The following KDM6A variants were observed in gnomAD, a reference collection of about 807,000 sequenced individuals.
KDM6A encodes lysine-specific demethylase 6A.
In KDM6A, 11 loss-of-function variants were observed where a neutral mutation model predicts 117.6. The observed-to-expected ratio is 0.09, with a 90% CI of 0.06 to 0.15. KDM6A has a LOEUF of 0.15. KDM6A is among the 10% of genes least tolerant of loss of function. The pLI is 1.00. For synonymous variants in KDM6A, 384 were observed against 396.1 expected, an observed-to-expected ratio of 0.97 and a Z score of 0.36; for missense variants, 799 against 1,077.3, an observed-to-expected ratio of 0.74 and a Z score of 3.62.
At chrX:45,010,880 G>T in intron 4 of KDM6A, 81 bp from the exon 5 acceptor site, 1 of 717,126 alleles carries the variant, frequency 1.4e-6, no homozygotes, top group East Asian at 3.3e-5. Flanking sequence ...AAACATCTTG[G>T]ATACCGTATT....
chrX:45,024,834 C>G (rs1030159502), intron 6 of KDM6A, among the ~76,000 whole-genome samples: 1 of 111,087 alleles, frequency 9.0e-6, no homozygotes, highest in African/African-American at 3.3e-5. Flanking sequence ...AATTGGGGGC[C>G]AGCATAGATA....
intron 6 of KDM6A, 25 bp downstream of exon 6, chrX:45,020,755 T>C: frequency 8.3e-7 from 1 of 1,202,611 alleles, no homozygotes; most frequent in South Asian, 1.8e-5. Flanking sequence ...TTTTTCAAGA[T>C]ACAATGTTTA....
chrX:44,952,333 G>A (rs918144926), intron 2 of KDM6A, among the ~76,000 whole-genome samples: 14 of 103,385 alleles, frequency 1.4e-4, no homozygotes, highest in African/African-American at 4.8e-4. Flanking sequence ...ATGCAGTGGC[G>A]CGATCTCGGC....
chrX:45,001,647 G>A (rs947557665), intron 4 of KDM6A, among the ~76,000 whole-genome samples: 1 of 111,945 alleles, frequency 8.9e-6, no homozygotes, highest in African/African-American at 3.3e-5. Context: ...ACTTGGTTAT[G>A]TTATAACTAG....
chrX:44,887,978 CAGTG>C (rs769929094), intron 2 of KDM6A, among the ~76,000 whole-genome samples: 5 of 109,182 alleles, frequency 4.6e-5, no homozygotes, highest in Non-Finnish European at 9.5e-5. Context: ...CTGGGCAACA[CAGTG>C]AGACTCCGTC....
intron 7 of KDM6A, 76 bp downstream of exon 7, chrX:45,035,061 T>C (rs1301728234): frequency 1.2e-6 from 1 of 852,929 alleles, no homozygotes; most frequent in African/African-American, 2.0e-5. Context: ...ATGTTAGTGA[T>C]AAATTCTGTG....
chrX:45,045,167 A>G (rs1036400190), intron 8 of KDM6A, among the ~76,000 whole-genome samples: 1 of 111,741 alleles, frequency 8.9e-6, no homozygotes. Context: ...ACCATTCATC[A>G]CTAAAACTAT....
chrX:44,881,680 A>G (rs1003623511), intron 2 of KDM6A, among the ~76,000 whole-genome samples: 5 of 105,207 alleles, frequency 4.8e-5, no homozygotes, highest in African/African-American at 1.7e-4. Flanking sequence ...TCTCTGTGGT[A>G]CTATTTTGTC....
At chrX:44,924,944 C>A (rs778777815) in intron 2 of KDM6A, among the ~76,000 whole-genome samples, 4 of 111,382 alleles carry the variant, frequency 3.6e-5, no homozygotes, top group African/African-American at 1.3e-4. Context: ...CTGCCTTGGC[C>A]TCCCAAAGTG....
chrX:44,979,737 G>A (rs925467032), intron 4 of KDM6A, among the ~76,000 whole-genome samples: 6 of 110,365 alleles, frequency 5.4e-5, no homozygotes, highest in Admixed American at 4.9e-4. Flanking sequence ...ATGTGAGATA[G>A]CATCAGTGGT....
intron 27 of KDM6A, among the ~76,000 whole-genome samples, chrX:45,102,661 A>G (rs1345622932): frequency 8.9e-6 from 1 of 111,924 alleles, no homozygotes; most frequent in African/African-American, 3.3e-5. Context: ...GGTTTGATAT[A>G]TAATGCTTTT....
intron 2 of KDM6A, among the ~76,000 whole-genome samples, chrX:44,927,469 T>TG (rs2146937101): frequency 9.0e-6 from 1 of 110,847 alleles, no homozygotes; most frequent in Non-Finnish European, 1.9e-5. Flanking sequence ...CTTGGTAATC[T>TG]GGGGAATGGA....
intron 2 of KDM6A, among the ~76,000 whole-genome samples, chrX:44,879,687 A>T (rs943960264): frequency 8.9e-6 from 1 of 112,077 alleles, no homozygotes; most frequent in Non-Finnish European, 1.9e-5. Context: ...CTAACACAGG[A>T]CCATCTTTGG....
At chrX:44,931,321 C>T (rs944107935) in intron 2 of KDM6A, among the ~76,000 whole-genome samples, 9 of 111,312 alleles carry the variant, frequency 8.1e-5, no homozygotes, top group South Asian at 3.8e-4. Flanking sequence ...CTGCCTGCCT[C>T]GGCCTCCCAA....
intron 19 of KDM6A, 43 bp downstream of exon 19, chrX:45,076,869 A>G: frequency 9.0e-7 from 1 of 1,108,640 alleles, no homozygotes; most frequent in South Asian, 1.8e-5. Flanking sequence ...AGTGTTTGCA[A>G]CTACCTGTCT....
chrX:44,935,446 A>AT (rs777637098), intron 2 of KDM6A, among the ~76,000 whole-genome samples: 4 of 111,507 alleles, frequency 3.6e-5, no homozygotes, highest in African/African-American at 1.3e-4. Flanking sequence ...GTGAATTGTG[A>AT]TTCATAAAGT....
chrX:44,923,889 A>AT (rs1262738829), intron 2 of KDM6A, among the ~76,000 whole-genome samples: 1 of 110,632 alleles, frequency 9.0e-6, no homozygotes, highest in Non-Finnish European at 1.9e-5. Flanking sequence ...CGCCTGGCTA[A>AT]TTTTTGTATT....
chrX:44,950,353 A>G (rs1391744392), intron 2 of KDM6A, among the ~76,000 whole-genome samples: 1 of 111,885 alleles, frequency 8.9e-6, no homozygotes, highest in East Asian at 2.8e-4. Flanking sequence ...TCACAGGATC[A>G]TTCTGAAGTG....
chrX:45,044,516 C>T (rs1348780001), intron 8 of KDM6A, among the ~76,000 whole-genome samples: 3 of 111,800 alleles, frequency 2.7e-5, no homozygotes, highest in Non-Finnish European at 5.6e-5. Flanking sequence ...CAGGCATCTA[C>T]TCCCCTCCCT....
Sources: allele counts gnomAD v4.1 joint callset (sites outside exome capture counted in the v4.1 genomes callset), GRCh38; gene constraint gnomAD v4.1.1; transcripts MANE v1.5; gene names NCBI Gene and HGNC (gene_info 2026-07-23, HGNC 2026-07-21).